Variants in CAPN5 observed in about 807,000 individuals in gnomAD.
The protein encoded by CAPN5 is calpain 5.
A neutral mutation model predicts 73.0 loss-of-function variants in CAPN5; 54 were observed. That is an observed-to-expected ratio of 0.74 (90% CI 0.59 to 0.93). The LOEUF (loss-of-function observed/expected upper bound fraction) is 0.93, where lower values mean the gene tolerates loss of function less well. Ranked by LOEUF, CAPN5 falls within the 40% of genes least tolerant of loss-of-function variation. The pLI is 0.00. For missense variants in CAPN5, 785 were observed against 882.9 expected (o/e 0.89, Z 1.41); for synonymous variants, 335 against 356.9 (o/e 0.94, Z 0.69).
chr11:77,113,791 G>T (rs1300253499), intron 4 of CAPN5, among the ~76,000 whole-genome samples: 2 of 151,566 alleles, frequency 1.3e-5, no homozygotes, highest in Admixed American at 6.6e-5. Context: ...CAGTTTCATT[G>T]TGGTAAAATA....
intron 3 of CAPN5, among the ~76,000 whole-genome samples, chr11:77,108,408 A>G (rs1254533211): frequency 3.3e-5 from 5 of 152,140 alleles, no homozygotes; most frequent in Non-Finnish European, 7.4e-5. Context: ...AGGGAGCCAC[A>G]TGTGCGTGGG....
intron 3 of CAPN5, among the ~76,000 whole-genome samples, chr11:77,098,348 G>C (rs1300216834): frequency 0.053 from 1,270 of 23,898 alleles, 18 homozygotes; most frequent in Middle Eastern, 0.11. Context: ...ACCTCCCTCC[G>C]GGACGGGGCA....
intron 3 of CAPN5, chr11:77,103,038 C>A: frequency 6.2e-7 from 1 of 1,613,566 alleles, no homozygotes; most frequent in Non-Finnish European, 8.5e-7. Context: ...ACAGTTCGAG[C>A]GCTGGAATGT....
intron 7 of CAPN5, among the ~76,000 whole-genome samples, chr11:77,116,524 C>T (rs898579535): frequency 2.0e-5 from 3 of 152,180 alleles, no homozygotes; most frequent in Non-Finnish European, 4.4e-5. Context: ...TCCCCTCTGC[C>T]GAACTGAGGG....
At chr11:77,111,191 G>A (rs1439854213) in intron 3 of CAPN5, among the ~76,000 whole-genome samples, 6 of 152,136 alleles carry the variant, frequency 3.9e-5, no homozygotes, top group East Asian at 1.9e-4. Context: ...CTTTGCCTGG[G>A]TGCCTCCTCC....
chr11:77,069,614 C>A (rs1555032707), intron 1 of CAPN5, among the ~76,000 whole-genome samples: 1 of 152,086 alleles, frequency 6.6e-6, no homozygotes, highest in African/African-American at 2.4e-5. Flanking sequence ...CTGGGCTCCC[C>A]CAGCTGCAAA....
At chr11:77,103,174 C>A (rs782164015) in intron 3 of CAPN5, 30 of 1,613,828 alleles carry the variant, frequency 1.9e-5, no homozygotes, top group Non-Finnish European at 2.5e-5. Flanking sequence ...AAGGAGGACT[C>A]GGATGCCATA....
chr11:77,080,852 C>T (rs1461080280), intron 1 of CAPN5, among the ~76,000 whole-genome samples: 1 of 152,216 alleles, frequency 6.6e-6, no homozygotes, highest in Non-Finnish European at 1.5e-5. Context: ...CAAGGACACA[C>T]AGCAGCTAAA....
rs571333594 is a variant in CAPN5 at position 77,082,560 on chromosome 11, A to G, written c.-35-2292A>G. On this transcript the variant is annotated intron_variant, in intron 1 of 12. Coordinates refer to ENST00000648180, the MANE Select transcript of CAPN5 (RefSeq NM_004055.5). ...AGGGTGCAGAGGGGCAGTCTGTGCAAGGGCCGGGGCCAGAAGAACCTCACA... is the reference window on the plus strand; with the variant it reads ...AGGGTGCAGAGGGGCAGTCTGTGCAGGGGCCGGGGCCAGAAGAACCTCACA... Among the ~76,000 whole-genome samples, 4 of 152,104 alleles carry G rather than the reference A, an allele frequency of 2.6e-5. No homozygotes were observed. In the South Asian group the frequency reaches 8.3e-4, roughly 32 times the overall value.
chr11:77,068,765 G>A (rs1272348058), intron 1 of CAPN5, among the ~76,000 whole-genome samples: 2 of 152,142 alleles, frequency 1.3e-5, no homozygotes, highest in Non-Finnish European at 2.9e-5. Context: ...CCCAGAGCAG[G>A]GGTGCTGGGG....
intron 9 of CAPN5, chr11:77,119,760 G>A (rs1950505181): frequency 6.5e-6 from 1 of 154,422 alleles, no homozygotes; most frequent in African/African-American, 2.4e-5. Context: ...TGAGTCCTTG[G>A]CATCTGATGT....
Position 77,116,221 on chromosome 11 carries a change from C to G in CAPN5, c.894-5C>G, listed in dbSNP as rs201223346. 2.1e-4 allele frequency: 338 copies of G among 1,610,182 alleles called. 2 individuals are homozygous for G. The East Asian group carries it at 7.4e-3, about 35-fold the overall frequency. ...CCTTTCTCCTCCCCGGCCCTGACAC[C>G]CCAGCTCGGAGGAGTGGCAGAAAGT... On this transcript the variant is annotated splice_region_variant and splice_polypyrimidine_tract_variant and intron_variant, in intron 6 of 12. Coordinates refer to ENST00000648180, the MANE Select transcript of CAPN5 (RefSeq NM_004055.5).
At chr11:77,078,713 A>G (rs1023800387) in intron 1 of CAPN5, among the ~76,000 whole-genome samples, 8 of 152,268 alleles carry the variant, frequency 5.3e-5, no homozygotes, top group Middle Eastern at 3.4e-3. Flanking sequence ...GTATATGTAC[A>G]TATCTGTATC....
rs369938944 is a variant in CAPN5, at chr11:77,084,953, A to G, written c.67A>G (p.Arg23Gly). The G allele has an allele frequency of 6.2e-7, 1 of 1,613,650 alleles. No individual in the cohort carries two copies. The highest frequency in any genetic ancestry group is 8.5e-7 in the Non-Finnish European group (1 of 1,180,016). ...YSALRRDCRR[R>G]KVLFEDPLFP... ...AGCCCTGAGGCGGGACTGCCGGCGCAGGAAGGTGCTCTTCGAGGACCCCCT... is the reference window on the plus strand; with the variant it reads ...AGCCCTGAGGCGGGACTGCCGGCGCGGGAAGGTGCTCTTCGAGGACCCCCT... The change falls in exon 2 of 13, where the codon AGG becomes GGG. Residue 23 changes from arginine (R) to glycine (G), a missense_variant. Arg to Gly is a moderately radical substitution (Grantham distance 125). Transcript: ENST00000648180.
intron 6 of CAPN5, among the ~76,000 whole-genome samples, 189 bp from the exon 7 acceptor site, chr11:77,116,037 C>T (rs1334439662): frequency 1.3e-5 from 2 of 152,114 alleles, no homozygotes; most frequent in Non-Finnish European, 2.9e-5. Context: ...CTCACGGTCC[C>T]TTGTGGGAGG....
chr11:77,117,163 G>A (rs1186126598), intron 7 of CAPN5, among the ~76,000 whole-genome samples: 3 of 152,156 alleles, frequency 2.0e-5, no homozygotes, highest in Admixed American at 6.5e-5. Context: ...TTGAGCCCAG[G>A]AGGTTGAGTT....
chr11:77,122,139 C>T (rs1436872588), intron 11 of CAPN5, 90 bp downstream of exon 11: 1 of 742,290 alleles, frequency 1.3e-6, no homozygotes, highest in Admixed American at 3.0e-5. Context: ...TCAGAGCTCT[C>T]CTGCTCTCAG....
chr11:77,114,260 G>C lies in CAPN5; in HGVS notation c.525G>C (p.Gln175His), dbSNP rs782235686. The C allele has an allele frequency of 6.2e-7, 1 of 1,614,156 alleles. No individual in the cohort carries two copies. Among genetic ancestry groups the C allele is most frequent in the Non-Finnish European group, 8.5e-7 (1 of 1,179,986 alleles). ...TTCCCAGACTGGCAGGCTGTTACCA[G>C]GCCCTGGATGGAGGCAACACAGCAG... ...KAYAKLAGCY[Q>H]ALDGGNTADA... The change falls in exon 5 of 13, where the codon CAG (glutamine) becomes CAC (histidine). Residue 175 changes from glutamine to histidine, a missense_variant. Coordinates refer to ENST00000648180, the MANE Select transcript of CAPN5 (RefSeq NM_004055.5).
chr11:77,067,649 G>GTGTGTGTA (rs782071694), intron 1 of CAPN5, among the ~76,000 whole-genome samples: 84 of 150,928 alleles, frequency 5.6e-4, no homozygotes, highest in Non-Finnish European at 9.3e-4. Context: ...GTGTGTGTGT[G>GTGTGTGTA]TGTGTGTGTG....
Sources: allele counts gnomAD v4.1 joint callset (sites outside exome capture counted in the v4.1 genomes callset), GRCh38; gene constraint gnomAD v4.1.1; transcripts MANE v1.5; gene names NCBI Gene and HGNC (gene_info 2026-07-23, HGNC 2026-07-21).